The following DLGAP4 variants were observed in gnomAD, a reference collection of about 807,000 sequenced individuals.
DLGAP4 encodes DLG associated protein 4, also known as disks large-associated protein 4.
Under a neutral mutation model 86.9 loss-of-function variants are expected in DLGAP4, and 18 were observed. The observed-to-expected ratio is 0.21, with a 90% CI of 0.14 to 0.31. DLGAP4 has a LOEUF of 0.31. DLGAP4 is among the 10% of genes least tolerant of loss of function. The pLI is 1.00. For missense variants in DLGAP4, 1,085 were observed against 1,362.6 expected, an observed-to-expected ratio of 0.80 and a Z score of 3.21; for synonymous variants, 548 against 574.3, an observed-to-expected ratio of 0.95 and a Z score of 0.65.
Position 36,432,870 on chromosome 20 carries a change from T to C in DLGAP4, c.999+154T>C, listed in dbSNP as rs919844765. ...TGGGTGGCCTAGTGGTACCTGCTAA[T>C]CAGGGAGTCCTTCCACTGGTCATGC... is the stretch of plus-strand genomic sequence containing the variant. On this transcript the variant is annotated intron_variant, in intron 3 of 12. Transcript: ENST00000339266. This position sits in a 1 kb window ranked among gnomAD's most constrained non-coding sequence, Gnocchi z 6.5. Among the ~76,000 whole-genome samples, 1 of 152,130 alleles carries C rather than the reference T, an allele frequency of 6.6e-6. No individual in the cohort carries two copies. The highest frequency in any genetic ancestry group is 6.6e-5 in the Admixed American group (1 of 15,262).
At chr20:36,498,332 T>G (rs556980423) in intron 8 of DLGAP4, 26 of 152,362 alleles carry the variant, frequency 1.7e-4, no homozygotes, top group African/African-American at 6.0e-4. Context: ...ACAGGTGGGA[T>G]TCTCAGAAAC....
At chr20:36,324,351 C>T (rs1340445125) in intron 1 of DLGAP4, among the ~76,000 whole-genome samples, 1 of 151,968 alleles carries the variant, frequency 6.6e-6, no homozygotes, top group Non-Finnish European at 1.5e-5. Flanking sequence ...CACTTGAACC[C>T]GGGAGGCAGA....
At chr20:36,479,836 C>T (rs1841970217) in intron 7 of DLGAP4, among the ~76,000 whole-genome samples, 1 of 152,112 alleles carries the variant, frequency 6.6e-6, no homozygotes, top group South Asian at 2.1e-4. Flanking sequence ...CGAACTTAGT[C>T]CTTGGACAGG....
chr20:36,522,977 G>A (rs2037469860), intron 10 of DLGAP4, among the ~76,000 whole-genome samples: 1 of 152,140 alleles, frequency 6.6e-6, no homozygotes, highest in Non-Finnish European at 1.5e-5. Context: ...CCAAGTAGCT[G>A]GGGCTACAGG....
chr20:36,341,219 G>C (rs1555892459), intron 1 of DLGAP4, among the ~76,000 whole-genome samples: 2 of 152,176 alleles, frequency 1.3e-5, no homozygotes, highest in Non-Finnish European at 2.9e-5. Flanking sequence ...CACTTCCCCA[G>C]TTCTTATCCA....
rs2033147776 is a variant in DLGAP4, at chr20:36,432,202, G to A, written c.485G>A (p.Gly162Asp). Residue 162 changes from glycine (G) to aspartate (D), a missense_variant, in exon 3 of 13, where the codon GGC becomes GAC. Physicochemically the swap from Gly to Asp is moderately conservative, Grantham distance 94. Around this residue, in one of 2 missense-constraint regions of DLGAP4, gnomAD observed 1,082 missense variants for 1,344.1 expected, o/e 0.81. Coordinates refer to ENST00000339266, the MANE Select transcript of DLGAP4 (RefSeq NM_001365621.2). This position sits in a 1 kb window ranked among gnomAD's most constrained non-coding sequence, Gnocchi z 6.5. ...GCACCCTCACTGGAGGGCACAGCGG[G>A]CAAGGTCGGTGGCAATGGCAGCAAG... ...TKAPSLEGTA[G>D]KVGGNGSKKG... The A allele has an allele frequency of 6.2e-7, 1 of 1,614,172 alleles. No individual in the cohort carries two copies. The highest frequency in any genetic ancestry group is 8.5e-7 in the Non-Finnish European group (1 of 1,180,050).
intron 7 of DLGAP4, among the ~76,000 whole-genome samples, chr20:36,491,548 A>G (rs2035662496): frequency 6.6e-6 from 1 of 152,096 alleles, no homozygotes; most frequent in Admixed American, 6.5e-5. Flanking sequence ...CTCCAGCAGA[A>G]ACCCATGCAT....
rs2032118806 is a variant in DLGAP4, at chr20:36,400,266, CTAGCTTGTGG to C, written c.-72-31377_-72-31368del. Among the ~76,000 whole-genome samples the C allele has an allele frequency of 4.6e-5, 7 of 152,336 alleles. No individual in the cohort carries two copies. The South Asian group carries it at 1.4e-3, about 32-fold the overall frequency. On this transcript the variant is annotated intron_variant, in intron 2 of 12. Transcript: ENST00000339266. ...CACCATTTTGGAAGGATCATCCCCTCTAGCTTGTGGTACCAGCGATATTTGAGCAGCTGAT... is the reference window on the plus strand; with the variant it reads ...CACCATTTTGGAAGGATCATCCCCTCTACCAGCGATATTTGAGCAGCTGAT...
At chr20:36,389,065 G>T (rs965357499) in intron 2 of DLGAP4, among the ~76,000 whole-genome samples, 1 of 152,162 alleles carries the variant, frequency 6.6e-6, no homozygotes, top group Admixed American at 6.5e-5. Flanking sequence ...GGAGAAGACC[G>T]GGAAGAGCAG....
chr20:36,321,840 C>T (rs1003492314), intron 1 of DLGAP4, among the ~76,000 whole-genome samples: 1 of 152,170 alleles, frequency 6.6e-6, no homozygotes, highest in Admixed American at 6.5e-5. Flanking sequence ...TATACAGATC[C>T]CCCTCGATCT....
intron 4 of DLGAP4, among the ~76,000 whole-genome samples, chr20:36,437,793 G>A (rs1463838029): frequency 3.9e-5 from 6 of 152,174 alleles, no homozygotes; most frequent in Admixed American, 3.3e-4. Flanking sequence ...TGTTCTCAGA[G>A]CAGCCAGGAG....
At chr20:36,422,895 G>A (rs776098694) in intron 2 of DLGAP4, among the ~76,000 whole-genome samples, 3 of 152,196 alleles carry the variant, frequency 2.0e-5, no homozygotes, top group Admixed American at 6.5e-5. Context: ...AAGGCAGCTC[G>A]AGGCAGCCAG....
chr20:36,343,701 A>G (rs558238281), intron 1 of DLGAP4, among the ~76,000 whole-genome samples: 20 of 152,254 alleles, frequency 1.3e-4, no homozygotes, highest in African/African-American at 3.6e-4. Flanking sequence ...CTCAGCAGGA[A>G]ATTTGGGACA....
At chr20:36,374,794 C>A (rs2031087144) in intron 2 of DLGAP4, among the ~76,000 whole-genome samples, 1 of 152,246 alleles carries the variant, frequency 6.6e-6, no homozygotes, top group Admixed American at 6.5e-5. Flanking sequence ...ATTTTCTGCA[C>A]TGCTAGTTAG....
intron 2 of DLGAP4, among the ~76,000 whole-genome samples, chr20:36,423,661 A>G (rs899333513): frequency 1.3e-5 from 2 of 151,622 alleles, no homozygotes; most frequent in African/African-American, 4.8e-5. Flanking sequence ...ATGACATCAC[A>G]GTTCAACCTT....
intron 1 of DLGAP4, among the ~76,000 whole-genome samples, chr20:36,340,674 A>G (rs1555892410): frequency 6.6e-6 from 1 of 152,112 alleles, no homozygotes; most frequent in East Asian, 1.9e-4. Context: ...CCTGGGCGGC[A>G]GGGCTGAGTG....
intron 2 of DLGAP4, among the ~76,000 whole-genome samples, chr20:36,417,763 G>A (rs2032699909): frequency 1.1e-5 from 1 of 94,208 alleles, no homozygotes; most frequent in South Asian, 4.1e-4. Flanking sequence ...AGGTTTGGTG[G>A]GTTTTTTTGG....
intron 1 of DLGAP4, among the ~76,000 whole-genome samples, chr20:36,310,759 T>G (rs2147330314): frequency 6.6e-6 from 1 of 152,260 alleles, no homozygotes; most frequent in Non-Finnish European, 1.5e-5. Flanking sequence ...AGGGCTGGCA[T>G]CAGCGTGGGG....
intron 10 of DLGAP4, among the ~76,000 whole-genome samples, chr20:36,509,416 C>T (rs549509556): frequency 1.3e-5 from 2 of 151,870 alleles, no homozygotes; most frequent in African/African-American, 4.8e-5. Flanking sequence ...ACTGAAAATA[C>T]AAAAATTAGC....
Sources: gnomAD v4.1 joint callset for allele counts (sites outside exome capture counted in the v4.1 genomes callset) on GRCh38, gnomAD v4.1.1 for gene constraint, gnomAD v4.1.1 regional missense constraint, Gnocchi (gnomAD v3.1) non-coding constraint, MANE v1.5 for transcripts, NCBI Gene and HGNC (gene_info 2026-07-23, HGNC 2026-07-21) for gene names.